The following TBC1D22A variants were observed in gnomAD, a reference collection of about 807,000 sequenced individuals.
The protein encoded by TBC1D22A is TBC1 domain family member 22A.
A neutral mutation model predicts 60.2 loss-of-function variants in TBC1D22A; 38 were observed. That is an observed-to-expected ratio of 0.63 (90% CI 0.49 to 0.83). The LOEUF (loss-of-function observed/expected upper bound fraction) is 0.83, where lower values mean the gene tolerates loss of function less well. Among genes scored for constraint, TBC1D22A ranks in the 40% least tolerant of loss-of-function variants. The pLI is 0.00. For synonymous variants in TBC1D22A, 302 were observed against 281.7 expected (o/e 1.07, Z -0.72); for missense variants, 628 against 701.0 (o/e 0.90, Z 1.18).
rs12628905 is a variant in TBC1D22A, at chr22:46,961,586, C to T, written c.1016-12704C>T. ...TATGGCTTGCAACATTTCATGCTTGCGGCCTTGGTTTTGCATTTTGTAATT... is the reference window on the plus strand; with the variant it reads ...TATGGCTTGCAACATTTCATGCTTGTGGCCTTGGTTTTGCATTTTGTAATT... On this transcript the variant is annotated intron_variant, in intron 8 of 12. Transcript: ENST00000337137. Among the ~76,000 whole-genome samples the T allele has an allele frequency of 3.9e-5, 6 of 152,180 alleles. No individual in the cohort carries two copies. In the South Asian group the frequency reaches 1.0e-3, roughly 26 times the overall value.
At chr22:46,890,646 G>A (rs1453928553) in intron 5 of TBC1D22A, among the ~76,000 whole-genome samples, 2 of 152,118 alleles carry the variant, frequency 1.3e-5, no homozygotes, top group African/African-American at 2.4e-5. Context: ...GAAATCCTGG[G>A]CAGTCTGGCC....
At chr22:46,981,206 C>G (rs1020518395) in intron 9 of TBC1D22A, among the ~76,000 whole-genome samples, 2 of 152,082 alleles carry the variant, frequency 1.3e-5, no homozygotes, top group African/African-American at 4.8e-5. Context: ...AATGCATGAC[C>G]TTGACCCTGT....
chr22:47,018,768 G>A (rs1278348633), intron 10 of TBC1D22A, among the ~76,000 whole-genome samples: 1 of 152,160 alleles, frequency 6.6e-6, no homozygotes, highest in Admixed American at 6.5e-5. Flanking sequence ...GTGGTGGGCG[G>A]GGCCAAGGCT....
intron 12 of TBC1D22A, among the ~76,000 whole-genome samples, chr22:47,118,555 C>CT (rs1469099892): frequency 3.3e-5 from 5 of 152,068 alleles, no homozygotes; most frequent in African/African-American, 1.2e-4. Flanking sequence ...TAAACTAAGC[C>CT]TTTAACCAAG....
intron 8 of TBC1D22A, among the ~76,000 whole-genome samples, chr22:46,970,487 C>T (rs751815354): frequency 2.6e-5 from 4 of 152,140 alleles, no homozygotes; most frequent in Non-Finnish European, 4.4e-5. Context: ...TGGAGTGACA[C>T]ATGTTTTGGG....
At chr22:47,159,082 AC>A (rs2067842185) in intron 12 of TBC1D22A, among the ~76,000 whole-genome samples, 1 of 150,890 alleles carries the variant, frequency 6.6e-6, no homozygotes, top group African/African-American at 2.4e-5. Flanking sequence ...CACAACACAC[AC>A]CATGTATACA....
At chr22:47,123,287 T>C (rs1367368797) in intron 12 of TBC1D22A, among the ~76,000 whole-genome samples, 2 of 151,434 alleles carry the variant, frequency 1.3e-5, no homozygotes, top group Non-Finnish European at 3.0e-5. Context: ...GCCCCTCACC[T>C]GTGAAGCCCC....
At chr22:46,906,070 G>A (rs563789333) in intron 7 of TBC1D22A, among the ~76,000 whole-genome samples, 209 of 152,198 alleles carry the variant, frequency 1.4e-3, no homozygotes, top group African/African-American at 4.7e-3. Context: ...TGGGACCTGC[G>A]ACCTGCGTTT....
chr22:46,787,062 A>G (rs567856233), intron 1 of TBC1D22A, among the ~76,000 whole-genome samples: 5 of 152,238 alleles, frequency 3.3e-5, no homozygotes, highest in Admixed American at 6.5e-5. Context: ...AGTTGTGTGT[A>G]TCTTTCTGGG....
At chr22:47,124,205 C>T (rs2066371800) in intron 12 of TBC1D22A, among the ~76,000 whole-genome samples, 2 of 152,274 alleles carry the variant, frequency 1.3e-5, no homozygotes, top group Non-Finnish European at 1.5e-5. Context: ...GGGCGCTGCC[C>T]TTGTGTTTTA....
rs571301462 is a variant in TBC1D22A at position 46,883,647 on chromosome 22, G to A, written c.708+4924G>A. 4.6e-5 allele frequency among the ~76,000 whole-genome samples: 7 copies of A among 152,286 alleles called. No homozygotes were observed. The East Asian group carries it at 1.4e-3, about 29-fold the overall frequency. ...TATGGATTTTTTGTTGCCACTGAAC[G>A]CAGTTGATGTCAGGCTGCCTACACC... On this transcript the variant is annotated intron_variant, in intron 5 of 12. Coordinates refer to ENST00000337137, the MANE Select transcript of TBC1D22A (RefSeq NM_014346.5).
chr22:47,168,543 C>T (rs1046837755), intron 12 of TBC1D22A, among the ~76,000 whole-genome samples: 2 of 152,170 alleles, frequency 1.3e-5, no homozygotes, highest in African/African-American at 4.8e-5. Context: ...GCATTGGGGG[C>T]GGGCTCGGGC....
chr22:47,104,676 CAGAG>C (rs1173202419), intron 11 of TBC1D22A, among the ~76,000 whole-genome samples: 1 of 131,230 alleles, frequency 7.6e-6, no homozygotes, highest in East Asian at 2.2e-4. Context: ...GCCTGGGCGA[CAGAG>C]AAAGACTCTG....
intron 1 of TBC1D22A, among the ~76,000 whole-genome samples, chr22:46,785,318 C>T (rs1333870555): frequency 6.6e-6 from 1 of 152,160 alleles, no homozygotes; most frequent in African/African-American, 2.4e-5. Flanking sequence ...TATGGGAGAT[C>T]CTTGTGGCTA....
At chr22:47,097,190 A>C (rs1687401242) in intron 11 of TBC1D22A, among the ~76,000 whole-genome samples, 1 of 66,878 alleles carries the variant, frequency 1.5e-5, no homozygotes, top group South Asian at 6.4e-4. Context: ...TGTCTGATAC[A>C]GTCTTCACCT....
chr22:46,903,956 C>T (rs1467630042), intron 7 of TBC1D22A, among the ~76,000 whole-genome samples: 1 of 152,048 alleles, frequency 6.6e-6, no homozygotes, highest in African/African-American at 2.4e-5. Flanking sequence ...AGGGAGGTGG[C>T]ATGCTTAATT....
At chr22:47,003,090 C>G (rs1447942520) in intron 10 of TBC1D22A, among the ~76,000 whole-genome samples, 1 of 152,130 alleles carries the variant, frequency 6.6e-6, no homozygotes, top group Non-Finnish European at 1.5e-5. Context: ...GGGCTAGGGG[C>G]GCCAAACTGA....
At chr22:47,054,095 A>C (rs994909344) in intron 11 of TBC1D22A, among the ~76,000 whole-genome samples, 1 of 152,228 alleles carries the variant, frequency 6.6e-6, no homozygotes, top group African/African-American at 2.4e-5. Flanking sequence ...TCTGGGTAGC[A>C]GCCAGTGCCC....
intron 4 of TBC1D22A, among the ~76,000 whole-genome samples, chr22:46,869,134 C>G (rs1602236794): frequency 6.6e-6 from 1 of 152,190 alleles, no homozygotes; most frequent in East Asian, 1.9e-4. Flanking sequence ...ACACCCTTGT[C>G]CTTGTTTATG....
Sources: allele counts gnomAD v4.1 joint callset (sites outside exome capture counted in the v4.1 genomes callset), GRCh38; gene constraint gnomAD v4.1.1; transcripts MANE v1.5; gene names NCBI Gene and HGNC (gene_info 2026-07-23, HGNC 2026-07-21).